CHODL: variants seen among roughly 807,000 people sequenced by gnomAD.
CHODL encodes the protein chondrolectin.
A neutral mutation model predicts 34.5 loss-of-function variants in CHODL; 29 were observed. The observed-to-expected ratio is 0.84, with a 90% confidence interval of 0.63 to 1.15. CHODL has a LOEUF of 1.15. CHODL is among the 50% of genes most tolerant of loss of function. CHODL has a pLI of 0.00. For synonymous variants in CHODL, 125 were observed against 116.1 expected, an observed-to-expected ratio of 1.08 and a Z score of -0.49; for missense variants, 332 against 332.5, an observed-to-expected ratio of 1.00 and a Z score of 0.01.
chr21:18,072,669 A>T lies in CHODL; in HGVS notation c.-45+44698A>T, dbSNP rs1022667098. 1.4e-4 allele frequency among the ~76,000 whole-genome samples: 21 copies of T among 151,108 alleles called. No individual in the cohort carries two copies. In the East Asian group the frequency reaches 3.7e-3, roughly 26 times the overall value. ...GAGAAATAACTTGTTATTTAAGATAAAAAAAAAACCCATGGATGAGGTAAT... is the reference window on the plus strand; with the variant it reads ...GAGAAATAACTTGTTATTTAAGATATAAAAAAAACCCATGGATGAGGTAAT... On this transcript the variant is annotated intron_variant, in intron 2 of 6. Coordinates refer to the CHODL transcript ENST00000400127.
intron 2 of CHODL, among the ~76,000 whole-genome samples, chr21:18,069,927 CCTCT>C (rs1197291230): frequency 6.6e-6 from 1 of 150,610 alleles, no homozygotes; most frequent in Non-Finnish European, 1.5e-5. Context: ...TCTTTTCCTC[CCTCT>C]CTCCCTCCCT....
intron 1 of CHODL, among the ~76,000 whole-genome samples, chr21:17,969,660 G>A (rs2063598845): frequency 6.6e-6 from 1 of 152,190 alleles, no homozygotes; most frequent in Non-Finnish European, 1.5e-5. Context: ...TTTGGAATAA[G>A]TGTGAAAGTG....
intron 1 of CHODL, among the ~76,000 whole-genome samples, chr21:17,949,808 T>G (rs1198965311): frequency 6.6e-6 from 1 of 152,136 alleles, no homozygotes; most frequent in Non-Finnish European, 1.5e-5. Flanking sequence ...GATAGCAAAT[T>G]GTTTCTTATA....
intron 2 of CHODL, among the ~76,000 whole-genome samples, chr21:18,041,777 G>A (rs2064378679): frequency 6.6e-6 from 1 of 151,732 alleles, no homozygotes; most frequent in Admixed American, 6.6e-5. Context: ...CAAGTTAAAT[G>A]ACTTGATTAA....
At chr21:18,102,115 T>C (rs987474652) in intron 2 of CHODL, among the ~76,000 whole-genome samples, 1 of 152,130 alleles carries the variant, frequency 6.6e-6, no homozygotes, top group Admixed American at 6.6e-5. Flanking sequence ...GTAACTTGCA[T>C]TTTATAGCTG....
At chr21:18,002,937 C>G (rs1198858163) in intron 1 of CHODL, among the ~76,000 whole-genome samples, 1 of 152,000 alleles carries the variant, frequency 6.6e-6, no homozygotes, top group African/African-American at 2.4e-5. Context: ...TCCGGGCTAA[C>G]ACGGTGAAAC....
chr21:18,012,020 A>T (rs1600893252), intron 1 of CHODL, among the ~76,000 whole-genome samples: 1 of 152,330 alleles, frequency 6.6e-6, no homozygotes, highest in East Asian at 1.9e-4. Context: ...TCTGTTTTTA[A>T]GTGAAAGTGA....
chr21:18,193,093 A>G (rs1446415156), intron 2 of CHODL, among the ~76,000 whole-genome samples: 1 of 152,176 alleles, frequency 6.6e-6, no homozygotes, highest in Non-Finnish European at 1.5e-5. Flanking sequence ...TAAATAAAGG[A>G]AAATATGAAG....
At chr21:18,113,042 T>G (rs2146564727) in intron 2 of CHODL, among the ~76,000 whole-genome samples, 1 of 152,076 alleles carries the variant, frequency 6.6e-6, no homozygotes, top group East Asian at 1.9e-4. Flanking sequence ...ATAACCAGAG[T>G]ATATAAGGAG....
intron 2 of CHODL, among the ~76,000 whole-genome samples, chr21:18,128,889 G>A (rs76097011): frequency 0.029 from 4,372 of 152,116 alleles, 141 homozygotes; most frequent in East Asian, 0.13. Flanking sequence ...TATTGTAGAC[G>A]TATGAAACTG....
chr21:18,017,302 A>G (rs1442207836), intron 1 of CHODL, among the ~76,000 whole-genome samples: 2 of 152,118 alleles, frequency 1.3e-5, no homozygotes, highest in African/African-American at 4.8e-5. Flanking sequence ...AGGTAAGTTG[A>G]TCATGGGGGT....
Position 17,988,126 on chromosome 21 carries a change from A to G in CHODL, c.-144-39746A>G, listed in dbSNP as rs144432902. Among the ~76,000 whole-genome samples the G allele has an allele frequency of 9.7e-4, 148 of 152,352 alleles. 1 individual carries two copies. Among genetic ancestry groups the G allele is most frequent in the Non-Finnish European group, 1.7e-3 (119 of 68,034 alleles). ...AACATAGAGGATGAAAAATTCCAGC[A>G]GTTGCAAAACGCATTAAGTTTTGCC... On this transcript the variant is annotated intron_variant, in intron 1 of 6. Transcript: ENST00000400127.
chr21:17,991,349 G>A (rs951136515), intron 1 of CHODL, among the ~76,000 whole-genome samples: 1 of 151,920 alleles, frequency 6.6e-6, no homozygotes, highest in African/African-American at 2.4e-5. Flanking sequence ...TTATACAGTG[G>A]TCTTATTTTT....
intron 2 of CHODL, among the ~76,000 whole-genome samples, chr21:18,172,851 TG>T (rs1344081706): frequency 6.6e-6 from 1 of 152,294 alleles, no homozygotes; most frequent in East Asian, 1.9e-4. Flanking sequence ...GAGGGTTCTT[TG>T]CTCAGAGTTT....
chr21:18,082,355 C>A (rs2064952935), intron 2 of CHODL, among the ~76,000 whole-genome samples: 1 of 152,106 alleles, frequency 6.6e-6, no homozygotes, highest in Non-Finnish European at 1.5e-5. Flanking sequence ...CACAAATTAC[C>A]CAGTCTCAGG....
chr21:17,918,664 C>G (rs2063160203), intron 1 of CHODL, among the ~76,000 whole-genome samples: 1 of 152,158 alleles, frequency 6.6e-6, no homozygotes, highest in South Asian at 2.1e-4. Context: ...ACCCCAGCCC[C>G]TCCCAAATCT....
chr21:18,085,399 C>G (rs1456535647), intron 2 of CHODL, among the ~76,000 whole-genome samples: 8 of 152,128 alleles, frequency 5.3e-5, no homozygotes, highest in African/African-American at 1.9e-4. Flanking sequence ...TGATGAAATT[C>G]TATCTTATTG....
intron 2 of CHODL, among the ~76,000 whole-genome samples, chr21:18,116,766 C>T (rs771601178): frequency 4.6e-5 from 7 of 152,248 alleles, no homozygotes; most frequent in African/African-American, 7.2e-5. Flanking sequence ...AATCAGAAGA[C>T]GTCACCTGCT....
intron 2 of CHODL, among the ~76,000 whole-genome samples, chr21:18,234,842 G>C (rs1379115798): frequency 6.6e-6 from 1 of 152,090 alleles, no homozygotes; most frequent in African/African-American, 2.4e-5. Context: ...TTCTTGTTGA[G>C]AAGGTAAAAT....
Sources: allele counts gnomAD v4.1 joint callset (sites outside exome capture counted in the v4.1 genomes callset), GRCh38; gene constraint gnomAD v4.1.1; transcripts MANE v1.5; gene names NCBI Gene and HGNC (gene_info 2026-07-23, HGNC 2026-07-21).